BCKDHB: variants seen among roughly 807,000 people sequenced by gnomAD.
BCKDHB encodes 2-oxoisovalerate dehydrogenase subunit beta, mitochondrial.
Under a neutral mutation model 48.5 loss-of-function variants are expected in BCKDHB, and 41 were observed. That is an observed-to-expected ratio of 0.85 (90% CI 0.66 to 1.10). The LOEUF (loss-of-function observed/expected upper bound fraction) is 1.10. BCKDHB is among the 50% of genes least tolerant of loss of function. The probability of loss-of-function intolerance (pLI) is 0.00; values close to 1 mark genes in which losing one functional copy is unlikely to be tolerated. For missense variants in BCKDHB, 496 were observed against 494.2 expected (o/e 1.00, Z -0.03); for synonymous variants, 201 against 174.8 (o/e 1.15, Z -1.18).
intron 8 of BCKDHB, among the ~76,000 whole-genome samples, chr6:80,223,497 C>A (rs1775551248): frequency 6.6e-6 from 1 of 151,754 alleles, no homozygotes; most frequent in African/African-American, 2.4e-5. Context: ...ATAAAATGAC[C>A]CCTTTCTCTT....
chr6:80,332,963 T>C (rs1399762470), intron 9 of BCKDHB, among the ~76,000 whole-genome samples: 1 of 151,784 alleles, frequency 6.6e-6, no homozygotes, highest in Non-Finnish European at 1.5e-5. Flanking sequence ...CGGAACCTAC[T>C]GTAACTCTGA....
At chr6:80,269,348 C>T (rs1248724769) in intron 8 of BCKDHB, among the ~76,000 whole-genome samples, 1 of 152,140 alleles carries the variant, frequency 6.6e-6, no homozygotes, top group African/African-American at 2.4e-5. Flanking sequence ...GACGGAATGA[C>T]TAACTGAAGT....
intron 9 of BCKDHB, among the ~76,000 whole-genome samples, chr6:80,331,874 T>C (rs1173366070): frequency 6.6e-6 from 1 of 152,148 alleles, no homozygotes; most frequent in African/African-American, 2.4e-5. Context: ...TTAGATTTGC[T>C]ACATAATTAG....
At chr6:80,303,913 C>A (rs1229597370) in intron 9 of BCKDHB, among the ~76,000 whole-genome samples, 2 of 151,992 alleles carry the variant, frequency 1.3e-5, no homozygotes, top group African/African-American at 4.8e-5. Flanking sequence ...GAAATTTGAT[C>A]ACCATATTCC....
intron 3 of BCKDHB, among the ~76,000 whole-genome samples, chr6:80,153,242 C>G (rs1771878142): frequency 6.6e-6 from 1 of 152,094 alleles, no homozygotes; most frequent in South Asian, 2.1e-4. Flanking sequence ...GGATGTGTGC[C>G]TCCTTGGTGC....
chr6:80,115,157 AG>A (rs1171248007), intron 1 of BCKDHB, among the ~76,000 whole-genome samples: 20 of 152,146 alleles, frequency 1.3e-4, no homozygotes, highest in Non-Finnish European at 1.5e-5. Context: ...TTTTAAGAGA[AG>A]GGGTCTTGCT....
At chr6:80,381,868 T>C in the BCKDHB span, among the ~76,000 whole-genome samples, 1 of 152,102 alleles carries the variant, frequency 6.6e-6, no homozygotes, top group East Asian at 1.9e-4. Context: ...GAATATTCAG[T>C]GTAATCCTCT....
chr6:80,278,653 G>A (rs530590784), intron 9 of BCKDHB, among the ~76,000 whole-genome samples: 15 of 152,102 alleles, frequency 9.9e-5, no homozygotes, highest in South Asian at 2.1e-4. Flanking sequence ...TCCGCCTGCC[G>A]GGTTCAAGCA....
At chr6:80,403,464 A>T in the BCKDHB span, among the ~76,000 whole-genome samples, 2 of 151,832 alleles carry the variant, frequency 1.3e-5, no homozygotes, top group Non-Finnish European at 2.9e-5. Context: ...TCACTCATTT[A>T]AAATAGTTTT....
chr6:80,466,294 G>A, the BCKDHB span, among the ~76,000 whole-genome samples: 19 of 151,610 alleles, frequency 1.3e-4, no homozygotes, highest in African/African-American at 2.4e-4. Flanking sequence ...TCTTATTTAC[G>A]TACATTATTA....
intron 3 of BCKDHB, among the ~76,000 whole-genome samples, chr6:80,139,427 A>G (rs1771068602): frequency 6.6e-6 from 1 of 152,036 alleles, no homozygotes; most frequent in African/African-American, 2.4e-5. Context: ...TAGGGTTTTT[A>G]TGGTTTTAGG....
chr6:80,451,739 A>C, the BCKDHB span, among the ~76,000 whole-genome samples: 2 of 152,056 alleles, frequency 1.3e-5, no homozygotes, highest in East Asian at 3.9e-4. Flanking sequence ...AAAAGAAAAA[A>C]AAAAAAAAGA....
chr6:80,281,913 T>A (rs9294173), intron 9 of BCKDHB, among the ~76,000 whole-genome samples: 58,600 of 151,770 alleles, frequency 0.39, 12,976 homozygotes, highest in Admixed American at 0.56. Context: ...GAAAATAGCT[T>A]ATATTGGGAT....
At chr6:80,117,637 G>A (rs907441839) in intron 1 of BCKDHB, among the ~76,000 whole-genome samples, 7 of 152,206 alleles carry the variant, frequency 4.6e-5, no homozygotes, top group Admixed American at 1.3e-4. Flanking sequence ...GCGGAAAACC[G>A]CTTAAAGGCA....
chr6:80,200,900 AT>A (rs992405766), intron 6 of BCKDHB, 33 bp from the exon 7 acceptor site: 3 of 1,483,918 alleles, frequency 2.0e-6, no homozygotes, highest in African/African-American at 1.4e-5. Context: ...CTCAGAAAAA[AT>A]GTCCTTTTTT....
chr6:80,423,740 T>A, the BCKDHB span, among the ~76,000 whole-genome samples: 2,479 of 152,348 alleles, frequency 0.016, 64 homozygotes, highest in African/African-American at 0.057. Context: ...TCTGAACTTA[T>A]AACAGTGTCT....
chr6:80,167,637 C>T, intron 3 of BCKDHB, 41 bp from the exon 4 acceptor site: 1 of 1,551,352 alleles, frequency 6.4e-7, no homozygotes, highest in Non-Finnish European at 8.9e-7. Flanking sequence ...TGACATTACT[C>T]TCATTTGCCA....
chr6:80,236,851 G>A (rs995547025), intron 8 of BCKDHB, among the ~76,000 whole-genome samples: 1 of 152,114 alleles, frequency 6.6e-6, no homozygotes, highest in African/African-American at 2.4e-5. Flanking sequence ...TCACTTCTTG[G>A]AAAAATACAG....
intron 9 of BCKDHB, among the ~76,000 whole-genome samples, chr6:80,340,675 A>C (rs1276303429): frequency 6.6e-6 from 1 of 152,248 alleles, no homozygotes; most frequent in Non-Finnish European, 1.5e-5. Context: ...AATTCAGGGC[A>C]CATGGTTGCT....
Sources: allele counts gnomAD v4.1 joint callset (sites outside exome capture counted in the v4.1 genomes callset), GRCh38; gene constraint gnomAD v4.1.1; transcripts MANE v1.5; gene names NCBI Gene and HGNC (gene_info 2026-07-23, HGNC 2026-07-21).